Variants in ADORA2B observed in about 807,000 individuals in gnomAD.
ADORA2B encodes adenosine A2b receptor, also known as adenosine receptor A2b.
Under a neutral mutation model 20.8 loss-of-function variants are expected in ADORA2B, and 18 were observed. The observed-to-expected ratio is 0.87, with a 90% confidence interval of 0.60 to 1.29. ADORA2B has a LOEUF of 1.29. ADORA2B is among the 50% of genes most tolerant of loss of function. The probability of loss-of-function intolerance (pLI) is 0.00; values close to 1 mark genes in which losing one functional copy is unlikely to be tolerated. For missense variants in ADORA2B, 441 were observed against 422.7 expected (o/e 1.04, Z -0.38); for synonymous variants, 179 against 178.3 (o/e 1.00, Z -0.03).
At chr17:15,855,272 A>T in the ADORA2B span, among the ~76,000 whole-genome samples, 1 of 152,192 alleles carries the variant, frequency 6.6e-6, no homozygotes, top group East Asian at 1.9e-4. Flanking sequence ...CCTCTGGGGT[A>T]GGTACTATTT....
the ADORA2B span, among the ~76,000 whole-genome samples, chr17:15,889,655 A>G: frequency 7.7e-6 from 1 of 130,124 alleles, no homozygotes; most frequent in African/African-American, 3.3e-5. Flanking sequence ...GCACTTTAGA[A>G]AGAAGACCAA....
At chr17:15,953,093 G>GAA (rs1488758843) in intron 1 of ADORA2B, among the ~76,000 whole-genome samples, 1 of 152,160 alleles carries the variant, frequency 6.6e-6, no homozygotes, top group Non-Finnish European at 1.5e-5. Context: ...TAGGTGGGAG[G>GAA]AAAGTGCCTG....
At chr17:15,942,646 C>T (rs532711606), upstream of ADORA2B, among the ~76,000 whole-genome samples, 1 of 152,246 alleles carries the variant, frequency 6.6e-6, no homozygotes, top group Admixed American at 6.5e-5. Flanking sequence ...CGTGCAGGAA[C>T]CACTCATAGC....
the ADORA2B span, among the ~76,000 whole-genome samples, chr17:15,881,743 G>GC: frequency 1.3e-5 from 2 of 152,202 alleles, no homozygotes; most frequent in African/African-American, 2.4e-5. Context: ...CTGTGTTGGG[G>GC]CGTGTGTCAG....
the ADORA2B span, among the ~76,000 whole-genome samples, chr17:15,903,600 C>T: frequency 1.3e-5 from 2 of 152,256 alleles, no homozygotes; most frequent in East Asian, 3.9e-4. Context: ...CCCACCCTAG[C>T]ATCTCACTTG....
the ADORA2B span, among the ~76,000 whole-genome samples, chr17:15,926,392 A>G: frequency 2.6e-5 from 4 of 152,034 alleles, no homozygotes; most frequent in Middle Eastern, 3.2e-3. Context: ...GAGGGGTGCT[A>G]TTCTAGGGAG....
At chr17:15,886,243 G>GTATTTATTTATTTATTTATTTATTTA in the ADORA2B span, among the ~76,000 whole-genome samples, 7 of 132,862 alleles carry the variant, frequency 5.3e-5, no homozygotes, top group African/African-American at 6.3e-5. Flanking sequence ...GAATCTTGTA[G>GTATTTATTTATTTATTTATTTATTTA]TGGCTCGCCC....
the ADORA2B span, among the ~76,000 whole-genome samples, chr17:15,865,448 G>A: frequency 2.6e-5 from 4 of 151,242 alleles, no homozygotes; most frequent in Non-Finnish European, 5.9e-5. Flanking sequence ...TGTTACTAGA[G>A]ATGGGGTTTC....
the ADORA2B span, among the ~76,000 whole-genome samples, chr17:15,911,948 C>T: frequency 6.3e-3 from 958 of 152,242 alleles, 6 homozygotes; most frequent in Middle Eastern, 0.027. Context: ...TGTGATGGCT[C>T]ACACCTATAA....
chr17:15,939,859 CAAAAAAAAAAAAA>C, the ADORA2B span, among the ~76,000 whole-genome samples: 1 of 53,366 alleles, frequency 1.9e-5, no homozygotes, highest in Non-Finnish European at 3.8e-5. Flanking sequence ...GACTCTGTCT[CAAAAAAAAAAAAA>C]AAAAAAAAAA....
chr17:15,966,923 A>C (rs993943116), intron 1 of ADORA2B, among the ~76,000 whole-genome samples: 8 of 152,180 alleles, frequency 5.3e-5, no homozygotes, highest in African/African-American at 1.9e-4. Context: ...TCTGCAGCAG[A>C]GCAGTGACTG....
At chr17:15,887,196 C>G in the ADORA2B span, among the ~76,000 whole-genome samples, 1 of 130,320 alleles carries the variant, frequency 7.7e-6, no homozygotes, top group Non-Finnish European at 1.6e-5. Flanking sequence ...GTCCTCTTGC[C>G]ATGGGAAGGC....
At chr17:15,951,812 G>C (rs967453554) in intron 1 of ADORA2B, among the ~76,000 whole-genome samples, 1 of 152,226 alleles carries the variant, frequency 6.6e-6, no homozygotes, top group Non-Finnish European at 1.5e-5. Flanking sequence ...CTTGGTGTGC[G>C]TGGGGGTGCT....
chr17:15,930,925 G>C, the ADORA2B span, among the ~76,000 whole-genome samples: 1 of 152,240 alleles, frequency 6.6e-6, no homozygotes, highest in African/African-American at 2.4e-5. Context: ...TTTGGAACTT[G>C]ACAAGTAAGC....
chr17:15,956,083 G>A (rs1428791135), intron 1 of ADORA2B, among the ~76,000 whole-genome samples: 2 of 152,206 alleles, frequency 1.3e-5, no homozygotes, highest in African/African-American at 4.8e-5. Context: ...AGTTCCCAGT[G>A]CTTTCTCATT....
At chr17:15,898,558 G>A in the ADORA2B span, among the ~76,000 whole-genome samples, 1 of 150,960 alleles carries the variant, frequency 6.6e-6, no homozygotes, top group African/African-American at 2.4e-5. Flanking sequence ...TAGTGGAGAT[G>A]GGGTTTCACC....
At chr17:15,913,664 C>T in the ADORA2B span, among the ~76,000 whole-genome samples, 1 of 152,186 alleles carries the variant, frequency 6.6e-6, no homozygotes, top group Non-Finnish European at 1.5e-5. Context: ...GACTCACCTG[C>T]CTTATTAAAA....
In ADORA2B at chr17:15,946,283, A is replaced by C. The variant is rs1285637049; in HGVS notation, c.335+700A>C. ...CCTTACAGCCTCACTGCCCTTGTGTAACTATTTATCTCCTGCTGCCCTGTT... is the reference window on the plus strand; with the variant it reads ...CCTTACAGCCTCACTGCCCTTGTGTCACTATTTATCTCCTGCTGCCCTGTT... On this transcript the variant is annotated intron_variant, in intron 1 of 1. Transcript: ENST00000304222. Among the ~76,000 whole-genome samples, 5 of 152,182 alleles carry C rather than the reference A, an allele frequency of 3.3e-5. No individual in the cohort carries two copies. The South Asian group carries it at 8.3e-4, about 25-fold the overall frequency.
chr17:15,870,699 T>C, the ADORA2B span, among the ~76,000 whole-genome samples: 157 of 152,308 alleles, frequency 1.0e-3, no homozygotes, highest in African/African-American at 3.6e-3. Context: ...AGCACTAAAA[T>C]CTGCTTAGCC....
Sources: allele counts gnomAD v4.1 joint callset (sites outside exome capture counted in the v4.1 genomes callset), GRCh38; gene constraint gnomAD v4.1.1; transcripts MANE v1.5; gene names NCBI Gene and HGNC (gene_info 2026-07-23, HGNC 2026-07-21).